The following TFPI variants were observed in gnomAD, a reference collection of about 807,000 sequenced individuals.
The protein encoded by TFPI is tissue factor pathway inhibitor, also known as anti-convertin.
In TFPI, 15 loss-of-function variants were observed where a neutral mutation model predicts 34.6. The ratio of observed to expected loss-of-function variants is 0.43; its 90% confidence interval spans 0.29 to 0.67. The LOEUF (loss-of-function observed/expected upper bound fraction) is 0.67, where lower values mean the gene tolerates loss of function less well. TFPI is among the 30% of genes least tolerant of loss of function. The pLI, the probability that TFPI is intolerant of heterozygous loss-of-function variation, is 0.15. For missense variants in TFPI, 301 were observed against 364.0 expected (o/e 0.83, Z 1.41); for synonymous variants, 105 against 120.1 (o/e 0.87, Z 0.82).
chr2:187,471,541 T>G (rs1029001722), intron 6 of TFPI, among the ~76,000 whole-genome samples: 4 of 152,146 alleles, frequency 2.6e-5, no homozygotes, highest in Non-Finnish European at 4.4e-5. Flanking sequence ...TGACTTTTGT[T>G]GTTTTTCCAA....
At chr2:187,500,000 TTGA>T (rs1238648261) in intron 2 of TFPI, among the ~76,000 whole-genome samples, 1 of 152,166 alleles carries the variant, frequency 6.6e-6, no homozygotes, top group East Asian at 1.9e-4. Context: ...CAGATACTAA[TTGA>T]TGATTTTTCT....
At chr2:187,483,886 T>G in intron 6 of TFPI, 1 of 470,122 alleles carries the variant, frequency 2.1e-6, no homozygotes, top group Non-Finnish European at 3.7e-6. Context: ...AAGTTTTTCA[T>G]GTGATACATA....
intron 6 of TFPI, among the ~76,000 whole-genome samples, chr2:187,469,305 A>G (rs150587428): frequency 6.6e-5 from 10 of 152,132 alleles, no homozygotes; most frequent in Non-Finnish European, 1.5e-4. Flanking sequence ...TATCAGAACT[A>G]TAATCAAATA....
At chr2:187,542,096 T>A (rs1400328233) in intron 1 of TFPI, among the ~76,000 whole-genome samples, 1 of 152,158 alleles carries the variant, frequency 6.6e-6, no homozygotes, top group East Asian at 1.9e-4. Flanking sequence ...AAATCTGTGC[T>A]GAAAAGTAAC....
intron 1 of TFPI, among the ~76,000 whole-genome samples, chr2:187,541,988 C>CGTTA (rs1688606214): frequency 6.6e-6 from 1 of 152,070 alleles, no homozygotes; most frequent in South Asian, 2.1e-4. Flanking sequence ...CACAAGTAAC[C>CGTTA]TTCTAAAATA....
chr2:187,536,131 C>G (rs1688238408), intron 1 of TFPI, among the ~76,000 whole-genome samples: 1 of 152,186 alleles, frequency 6.6e-6, no homozygotes, highest in African/African-American at 2.4e-5. Context: ...CAAAGAAATT[C>G]ACAGCCGAAT....
chr2:187,546,282 GT>G (rs34692721), intron 1 of TFPI, among the ~76,000 whole-genome samples: 54,648 of 134,942 alleles, frequency 0.4, 10,763 homozygotes, highest in Non-Finnish European at 0.49. Context: ...AAATTTGTAA[GT>G]TTTTTTTTTT....
chr2:187,538,570 C>T (rs949093122), intron 1 of TFPI, among the ~76,000 whole-genome samples: 8 of 152,148 alleles, frequency 5.3e-5, no homozygotes, highest in Non-Finnish European at 1.0e-4. Flanking sequence ...GAACATCACA[C>T]ACCCTGGCCT....
At chr2:187,478,507 G>A (rs1301239875) in intron 6 of TFPI, 17 of 1,018,076 alleles carry the variant, frequency 1.7e-5, no homozygotes, top group Middle Eastern at 3.4e-4. Context: ...CAACTAGCAC[G>A]AACTCCTGAG....
At chr2:187,514,643 C>CT (rs1446613523) in intron 1 of TFPI, 1 of 152,212 alleles carries the variant, frequency 6.6e-6, no homozygotes, top group Admixed American at 6.5e-5. Flanking sequence ...TGTGGTGGAC[C>CT]TTTACTGGGC....
chr2:187,544,668 G>A (rs1688763048), intron 1 of TFPI: 1 of 146,120 alleles, frequency 6.8e-6, no homozygotes, highest in South Asian at 2.2e-4. Context: ...ACTCGCTAAA[G>A]GGAAATTTCT....
chr2:187,550,729 A>G (rs575103200), intron 1 of TFPI, among the ~76,000 whole-genome samples: 2 of 152,306 alleles, frequency 1.3e-5, no homozygotes, highest in South Asian at 4.1e-4. Flanking sequence ...TTTTAATATA[A>G]CCATTGTGAT....
chr2:187,532,669 T>G (rs746189514), intron 1 of TFPI, among the ~76,000 whole-genome samples: 80 of 152,142 alleles, frequency 5.3e-4, no homozygotes, highest in Non-Finnish European at 9.6e-4. Context: ...GGCAGTCACC[T>G]ACCAAGCTGC....
intron 3 of TFPI, among the ~76,000 whole-genome samples, chr2:187,490,800 C>G (rs1222222645): frequency 6.6e-6 from 1 of 151,246 alleles, no homozygotes; most frequent in Non-Finnish European, 1.5e-5. Flanking sequence ...GTTTCTGTTT[C>G]CCTCTGTTCA....
intron 2 of TFPI, 107 bp from the exon 3 acceptor site, chr2:187,497,185 A>G: frequency 9.9e-7 from 1 of 1,006,158 alleles, no homozygotes; most frequent in Non-Finnish European, 1.4e-6. Context: ...AGTACAATAA[A>G]ACATACTAAG....
chr2:187,549,291 G>T (rs1274723240), intron 1 of TFPI, among the ~76,000 whole-genome samples: 1 of 152,070 alleles, frequency 6.6e-6, no homozygotes, highest in Admixed American at 6.6e-5. Flanking sequence ...GTTGTAATTT[G>T]TATTTACTTT....
intron 1 of TFPI, among the ~76,000 whole-genome samples, chr2:187,512,183 G>A (rs1013170067): frequency 5.9e-5 from 9 of 151,382 alleles, no homozygotes; most frequent in African/African-American, 1.9e-4. Flanking sequence ...ACTCTGTAGC[G>A]GCAACTGCTT....
Position 187,539,565 on chromosome 2 carries a change from G to A in TFPI, c.-3+14635C>T, listed in dbSNP as rs570244100. On this transcript the variant is annotated intron_variant, in intron 1 of 7. Transcript: ENST00000233156. ...ATACAGCAGATAGTGTGTAACCTTAGTGCATTTTCCTCAGCAAAATTTAAT... is the reference window on the plus strand; with the variant it reads ...ATACAGCAGATAGTGTGTAACCTTAATGCATTTTCCTCAGCAAAATTTAAT... Among the ~76,000 whole-genome samples the A allele has an allele frequency of 2.8e-4, 42 of 152,286 alleles. No individual in the cohort carries two copies. In the South Asian group the frequency reaches 7.9e-3, roughly 29 times the overall value.
chr2:187,524,463 T>C (rs1687578203), intron 1 of TFPI, among the ~76,000 whole-genome samples: 1 of 152,100 alleles, frequency 6.6e-6, no homozygotes, highest in African/African-American at 2.4e-5. Flanking sequence ...ACCACTAAAA[T>C]GTTTTCTATT....
Sources: allele counts gnomAD v4.1 joint callset (sites outside exome capture counted in the v4.1 genomes callset), GRCh38; gene constraint gnomAD v4.1.1; transcripts MANE v1.5; gene names NCBI Gene and HGNC (gene_info 2026-07-23, HGNC 2026-07-21).